The following TSHZ2 variants were observed in gnomAD, a reference collection of about 807,000 sequenced individuals.
TSHZ2 encodes the protein teashirt zinc finger homeobox 2.
Under a neutral mutation model 74.4 loss-of-function variants are expected in TSHZ2, and 21 were observed. The observed-to-expected ratio is 0.28, with a 90% CI of 0.20 to 0.41. The LOEUF (loss-of-function observed/expected upper bound fraction) is 0.41, where lower values mean the gene tolerates loss of function less well. Among genes scored for constraint, TSHZ2 ranks in the 10% least tolerant of loss-of-function variants. The probability of loss-of-function intolerance (pLI) is 1.00; values close to 1 mark genes in which losing one functional copy is unlikely to be tolerated. For missense variants in TSHZ2, 1,244 were observed against 1,293.5 expected, an observed-to-expected ratio of 0.96 and a Z score of 0.59; for synonymous variants, 540 against 515.3, an observed-to-expected ratio of 1.05 and a Z score of -0.65.
chr20:53,412,362 C>T (rs1007078381), intron 2 of TSHZ2, among the ~76,000 whole-genome samples: 4 of 152,244 alleles, frequency 2.6e-5, no homozygotes, highest in Non-Finnish European at 5.9e-5. Flanking sequence ...AGCCTGTGTG[C>T]TCCAGGAGAA....
intron 2 of TSHZ2, among the ~76,000 whole-genome samples, chr20:53,296,428 C>T (rs983873326): frequency 6.6e-6 from 1 of 152,114 alleles, no homozygotes; most frequent in Non-Finnish European, 1.5e-5. Context: ...AATATGTAAC[C>T]TCCTTCAAAT....
chr20:53,299,746 C>A lies in TSHZ2; in HGVS notation c.*8+43175C>A, dbSNP rs112041801. On this transcript the variant is annotated intron_variant, in intron 2 of 2. Coordinates refer to ENST00000371497, the MANE Select transcript of TSHZ2 (RefSeq NM_173485.6). ...CATGTCCCTACTTGCTGGTGAACAC[C>A]TAAGAATGTAATTAGATGACTACAG... Among the ~76,000 whole-genome samples, 22 of 152,260 alleles carry A rather than the reference C, an allele frequency of 1.4e-4. 1 individual carries two copies. Among genetic ancestry groups the A allele is most frequent in the African/African-American group, 5.1e-4 (21 of 41,542 alleles).
chr20:52,988,291 T>A (rs182675572), intron 1 of TSHZ2, among the ~76,000 whole-genome samples: 429 of 152,260 alleles, frequency 2.8e-3, no homozygotes, highest in Non-Finnish European at 5.0e-3. Context: ...CCCCGAGACA[T>A]CCTGTAAGCT....
At chr20:53,033,926 C>G (rs1407898026) in intron 1 of TSHZ2, among the ~76,000 whole-genome samples, 2 of 152,034 alleles carry the variant, frequency 1.3e-5, no homozygotes, top group Non-Finnish European at 2.9e-5. Flanking sequence ...TCCTAAAGTG[C>G]TGGGATTGCA....
Position 53,077,914 on chromosome 20 carries a change from C to T in TSHZ2, c.40+104581C>T, listed in dbSNP as rs147212645. On this transcript the variant is annotated intron_variant, in intron 1 of 2. Transcript: ENST00000371497. ...TTCTTAACTTTGTGAACACTCTAAT[C>T]TCCTCTGAGTACTGCAGCAGAAAAT... 7.0e-4 allele frequency among the ~76,000 whole-genome samples: 106 copies of T among 152,336 alleles called. No homozygotes were observed. The East Asian group carries it at 0.019, about 27-fold the overall frequency.
intron 1 of TSHZ2, among the ~76,000 whole-genome samples, chr20:53,145,504 C>A (rs1987518260): frequency 6.6e-6 from 1 of 152,056 alleles, no homozygotes; most frequent in Admixed American, 6.5e-5. Flanking sequence ...GGCCATAAGA[C>A]AGGAAGGGAA....
intron 1 of TSHZ2, among the ~76,000 whole-genome samples, chr20:53,075,295 AAGG>A (rs1310467760): frequency 6.6e-6 from 1 of 152,224 alleles, no homozygotes; most frequent in Non-Finnish European, 1.5e-5. Context: ...GCTCTGTGCA[AAGG>A]ATCTTTCTTT....
chr20:52,999,044 G>A (rs1170209896), intron 1 of TSHZ2, among the ~76,000 whole-genome samples: 1 of 151,894 alleles, frequency 6.6e-6, no homozygotes, highest in Non-Finnish European at 1.5e-5. Context: ...GAAACTTACA[G>A]CAGTGATTTC....
rs200895866 is a variant in TSHZ2 at position 53,439,360 on chromosome 20, T to A, written c.*9-47784T>A. Among the ~76,000 whole-genome samples, 63 of 152,026 alleles carry A rather than the reference T, an allele frequency of 4.1e-4. No homozygotes were observed. In the East Asian group the frequency reaches 6.0e-3, roughly 14 times the overall value. ...GCCTAGCTCACTATTAAAAAAAAAA[T>A]TTTTAACCTAATAAGAGAGAATTGG... On this transcript the variant is annotated intron_variant, in intron 2 of 2. Transcript: ENST00000371497.
chr20:53,390,700 T>C (rs1370205787), intron 2 of TSHZ2, among the ~76,000 whole-genome samples: 2 of 152,196 alleles, frequency 1.3e-5, no homozygotes, highest in Non-Finnish European at 2.9e-5. Flanking sequence ...GTATTTCTGG[T>C]TCTAGATCCT....
intron 1 of TSHZ2, among the ~76,000 whole-genome samples, chr20:53,051,992 A>C (rs975956623): frequency 5.7e-5 from 4 of 70,026 alleles, no homozygotes; most frequent in Admixed American, 4.5e-4. Flanking sequence ...AGATACACAT[A>C]ACATTGCAAT....
At chr20:53,209,076 TGTA>T (rs1305320440) in intron 1 of TSHZ2, among the ~76,000 whole-genome samples, 1 of 152,190 alleles carries the variant, frequency 6.6e-6, no homozygotes, top group African/African-American at 2.4e-5. Flanking sequence ...CCATGACGGC[TGTA>T]TTTAAAATGC....
chr20:53,479,711 GA>G (rs1188589469), intron 2 of TSHZ2, among the ~76,000 whole-genome samples: 26 of 152,198 alleles, frequency 1.7e-4, no homozygotes, highest in Admixed American at 1.4e-3. Flanking sequence ...TTGAACCAAA[GA>G]CAATTTTGTC....
intron 1 of TSHZ2, among the ~76,000 whole-genome samples, chr20:53,143,415 C>T (rs75877046): frequency 0.02 from 3,000 of 152,258 alleles, 121 homozygotes; most frequent in African/African-American, 0.068. Context: ...TGTAATAGGC[C>T]GGGCGCGGTG....
chr20:53,172,543 C>A (rs1307140011), intron 1 of TSHZ2, among the ~76,000 whole-genome samples: 2 of 152,168 alleles, frequency 1.3e-5, no homozygotes, highest in African/African-American at 4.8e-5. Flanking sequence ...AGACTTACAA[C>A]GTTCAACAAA....
chr20:53,194,021 T>C (rs1988802209), intron 1 of TSHZ2, among the ~76,000 whole-genome samples: 1 of 152,236 alleles, frequency 6.6e-6, no homozygotes, highest in Non-Finnish European at 1.5e-5. Context: ...TGACCACCTC[T>C]GATGATTCAT....
chr20:53,157,617 T>C (rs1165972911), intron 1 of TSHZ2, among the ~76,000 whole-genome samples: 1 of 152,144 alleles, frequency 6.6e-6, no homozygotes, highest in Non-Finnish European at 1.5e-5. Flanking sequence ...TGAAAATTTC[T>C]GCTTTGCTAT....
intron 2 of TSHZ2, among the ~76,000 whole-genome samples, chr20:53,463,445 GGGAA>G (rs1244651220): frequency 1.2e-4 from 14 of 113,200 alleles, no homozygotes; most frequent in East Asian, 2.9e-4. Flanking sequence ...GAGGGAGGGA[GGGAA>G]GGAAGGAAGG....
chr20:53,041,166 A>G (rs549756351), intron 1 of TSHZ2, among the ~76,000 whole-genome samples: 1 of 152,336 alleles, frequency 6.6e-6, no homozygotes, highest in Non-Finnish European at 1.5e-5. Flanking sequence ...GTGGGTTTAA[A>G]TCAAGAAGAT....
Sources: allele counts gnomAD v4.1 joint callset (sites outside exome capture counted in the v4.1 genomes callset), GRCh38; gene constraint gnomAD v4.1.1; transcripts MANE v1.5; gene names NCBI Gene and HGNC (gene_info 2026-07-23, HGNC 2026-07-21).